The following SET variants were observed in gnomAD, a reference collection of about 807,000 sequenced individuals.
SET encodes the protein protein SET.
In SET, 4 loss-of-function variants were observed where a neutral mutation model predicts 39.0. The ratio of observed to expected loss-of-function variants is 0.10; its 90% confidence interval spans 0.05 to 0.23. The LOEUF (loss-of-function observed/expected upper bound fraction) is 0.23. Ranked by LOEUF, SET falls within the 10% of genes least tolerant of loss-of-function variation. SET has a pLI of 1.00. For missense variants in SET, 137 were observed against 329.7 expected, an observed-to-expected ratio of 0.42 and a Z score of 4.53; for synonymous variants, 114 against 115.9, an observed-to-expected ratio of 0.98 and a Z score of 0.11.
At chr9:128,689,116 C>T, upstream of SET, 2 of 251,182 alleles carry the variant, frequency 8.0e-6, no homozygotes, top group Non-Finnish European at 1.3e-5. Flanking sequence ...GCCGCGACTC[C>T]GCCCCCTCAT....
At chr9:128,693,594 G>T in intron 5 of SET, 44 bp from the exon 6 acceptor site, 1 of 1,541,632 alleles carries the variant, frequency 6.5e-7, no homozygotes, top group African/African-American at 1.4e-5. Context: ...GAGTTTGGGT[G>T]TTATGGAGAG....
At chr9:128,686,020 C>A (rs1350790113), upstream of SET, among the ~76,000 whole-genome samples, 32 of 149,868 alleles carry the variant, frequency 2.1e-4, no homozygotes, top group African/African-American at 7.4e-4. Context: ...AGAACAACAA[C>A]AACAACAACA....
chr9:128,689,151 G>C (rs1861394343), upstream of SET: 4 of 511,906 alleles, frequency 7.8e-6, no homozygotes, highest in South Asian at 2.5e-4. Flanking sequence ...CAATGGCGCC[G>C]CGGCGCGAGC....
At chr9:128,688,561 C>G (rs1861368122), upstream of SET, among the ~76,000 whole-genome samples, 1 of 152,150 alleles carries the variant, frequency 6.6e-6, no homozygotes, top group African/African-American at 2.4e-5. Context: ...CACAGGACTT[C>G]GAGTTTAATG....
chr9:128,694,565 T>G (rs545483579), intron 7 of SET, 76 bp from the exon 8 acceptor site: 1 of 968,584 alleles, frequency 1.0e-6, no homozygotes, highest in African/African-American at 1.7e-5. Flanking sequence ...GGGGCACTCG[T>G]GGGGTCCATT....
chr9:128,695,272 A>G lies in SET; in HGVS notation c.*608A>G, dbSNP rs1861692383. The G allele has an allele frequency of 9.0e-6, 2 of 223,094 alleles. No individual in the cohort carries two copies. The highest frequency in any genetic ancestry group is 9.1e-6 in the Non-Finnish European group (1 of 109,422). The allele number at this position is 223,094 out of a possible 1,614,324, so 13.8% of individuals were successfully genotyped here. A position where few individuals can be genotyped will look rare whatever the true frequency, so the allele number is the denominator to read the frequency against. ...CTCCTTTGGCATGTTTAATTGTGAT[A>G]TTTGACAGACATCCTTGCAGTTTAA... is the stretch of plus-strand genomic sequence containing the variant. On this transcript the variant is annotated 3_prime_UTR_variant, in exon 8 of 8. Coordinates refer to ENST00000322030, the MANE Select transcript of SET (RefSeq NM_003011.4).
chr9:128,691,995 C>T lies in SET; in HGVS notation c.269C>T (p.Pro90Leu), dbSNP rs1861552714. The T allele has an allele frequency of 6.2e-7, 1 of 1,613,846 alleles. No homozygotes were observed. The highest frequency in any genetic ancestry group is 8.5e-7 in the Non-Finnish European group (1 of 1,179,920). ...NFWVTTFVNHPQVSALLGEED... is the reference protein window; with the variant it reads ...NFWVTTFVNHLQVSALLGEED... ...TGGGTAACAACATTTGTCAACCATCCACAAGGTATGTTTTGGACAGGGCAT... is the reference window on the plus strand; with the variant it reads ...TGGGTAACAACATTTGTCAACCATCTACAAGGTATGTTTTGGACAGGGCAT... The change falls in exon 3 of 8, where the codon CCA becomes CTA. Residue 90 changes from proline to leucine, a missense_variant. This residue lies in a region of SET where 59 missense variants were observed against 237.2 expected (regional missense o/e 0.25). Coordinates refer to ENST00000322030, the MANE Select transcript of SET (RefSeq NM_003011.4).
chr9:128,685,481 C>T (rs1861252630), upstream of SET, among the ~76,000 whole-genome samples: 1 of 152,220 alleles, frequency 6.6e-6, no homozygotes, highest in South Asian at 2.1e-4. Context: ...AGAACAGCTC[C>T]TGCTGCTTAG....
intron 1 of SET, chr9:128,690,871 G>T (rs942791169): frequency 2.4e-6 from 1 of 415,062 alleles, no homozygotes; most frequent in East Asian, 4.8e-5. Context: ...TCTGAATAAG[G>T]TTATTCTGTG....
upstream of SET, chr9:128,683,444 T>C: frequency 4.4e-6 from 1 of 226,862 alleles, no homozygotes; most frequent in Non-Finnish European, 8.7e-6. Context: ...GTTCCAAGCT[T>C]AGGTGAGGCA....
At chr9:128,688,655 G>C (rs1861371210), upstream of SET, among the ~76,000 whole-genome samples, 1 of 152,222 alleles carries the variant, frequency 6.6e-6, no homozygotes, top group Non-Finnish European at 1.5e-5. Flanking sequence ...GTACAAGCTT[G>C]CTGGGCAGGG....
At chr9:128,687,769 G>C (rs999861890), upstream of SET, among the ~76,000 whole-genome samples, 3 of 152,144 alleles carry the variant, frequency 2.0e-5, no homozygotes, top group Non-Finnish European at 4.4e-5. Context: ...CTGTCACTCA[G>C]GCTTCAGTGC....
At chr9:128,693,515 A>T in intron 5 of SET, 123 bp from the exon 6 acceptor site, 1 of 970,154 alleles carries the variant, frequency 1.0e-6, no homozygotes, top group Non-Finnish European at 1.5e-6. Context: ...TAATAATGGT[A>T]GCGTAGATAG....
Position 128,690,800 on chromosome 9 carries a change from A to G in SET, c.74-370A>G, listed in dbSNP as rs1031194676. 6 of 223,194 alleles carry G rather than the reference A, an allele frequency of 2.7e-5. No homozygotes were observed. In the Admixed American group the frequency reaches 2.7e-4, roughly 10 times the overall value. The allele number at this position is 223,194 out of a possible 1,614,324, so 13.8% of individuals were successfully genotyped here. ...GTCATGGGTTTAGTTTCCATATTCT[A>G]GTTAGCAGCTGCTACTGTTCTCTTG... On this transcript the variant is annotated intron_variant, in intron 1 of 7. Transcript: ENST00000322030.
intron 1 of SET, 193 bp from the exon 2 acceptor site, chr9:128,690,977 G>A (rs1861511554): frequency 3.1e-6 from 2 of 650,948 alleles, no homozygotes; most frequent in Admixed American, 2.8e-5. Context: ...CCAGCAGACA[G>A]CATGACTTGT....
chr9:128,688,233 C>G (rs2132239975), upstream of SET, among the ~76,000 whole-genome samples: 1 of 152,300 alleles, frequency 6.6e-6, no homozygotes, highest in Admixed American at 6.5e-5. Flanking sequence ...ACAAATGCTA[C>G]TAATCAGGGT....
chr9:128,691,676 T>C (rs1861540308), intron 2 of SET, among the ~76,000 whole-genome samples, 182 bp from the exon 3 acceptor site: 1 of 152,238 alleles, frequency 6.6e-6, no homozygotes, highest in South Asian at 2.1e-4. Context: ...ACTCAGTGTT[T>C]ATTGATAAAT....
chr9:128,692,400 A>AAAG, intron 3 of SET: 2 of 216,216 alleles, frequency 9.3e-6, no homozygotes, highest in Non-Finnish European at 1.8e-5. Flanking sequence ...ACTGTTTCAA[A>AAAG]AAAAAAAAAA....
At chr9:128,689,140 C>A, upstream of SET, 1 of 400,626 alleles carries the variant, frequency 2.5e-6, no homozygotes, top group Non-Finnish European at 3.4e-6. Flanking sequence ...GCCGCCCAGG[C>A]CAATGGCGCC....
Sources: allele counts gnomAD v4.1 joint callset (sites outside exome capture counted in the v4.1 genomes callset), GRCh38; gene constraint gnomAD v4.1.1; regional missense constraint gnomAD v4.1.1; transcripts MANE v1.5; gene names NCBI Gene and HGNC (gene_info 2026-07-23, HGNC 2026-07-21).